The following PHF21A variants were observed in gnomAD, a reference collection of about 807,000 sequenced individuals.
PHF21A encodes BHC80a.
PHF21A carries 11 observed loss-of-function variants against 82.5 expected under a neutral mutation model. That is an observed-to-expected ratio of 0.13 (90% CI 0.08 to 0.22). The LOEUF is 0.22. Ranked by LOEUF, PHF21A falls within the 10% of genes least tolerant of loss-of-function variation. The pLI is 1.00. For missense variants in PHF21A, 579 were observed against 837.8 expected (o/e 0.69, Z 3.81); for synonymous variants, 297 against 302.8 (o/e 0.98, Z 0.20).
At chr11:45,937,810 C>T (rs924388783) in intron 16 of PHF21A, among the ~76,000 whole-genome samples, 20 of 152,148 alleles carry the variant, frequency 1.3e-4, no homozygotes, top group African/African-American at 4.8e-4. Flanking sequence ...ATCAACTGGG[C>T]AATTTCCCTT....
At chr11:45,995,398 G>A (rs991960556) in intron 6 of PHF21A, among the ~76,000 whole-genome samples, 8 of 152,158 alleles carry the variant, frequency 5.3e-5, no homozygotes, top group African/African-American at 1.9e-4. Context: ...CTAACAGGAA[G>A]GAATCATTCT....
chr11:46,029,086 G>C (rs1402732045), intron 6 of PHF21A, among the ~76,000 whole-genome samples: 9 of 152,276 alleles, frequency 5.9e-5, no homozygotes, highest in African/African-American at 2.2e-4. Context: ...GCTTGCAAAA[G>C]AGTGTTATCT....
chr11:46,067,698 G>A (rs942117002), intron 6 of PHF21A, among the ~76,000 whole-genome samples: 6 of 151,976 alleles, frequency 3.9e-5, no homozygotes, highest in African/African-American at 7.3e-5. Flanking sequence ...AGCTTTCTGA[G>A]GGCATAATGA....
At chr11:45,945,151 G>C (rs906743702) in intron 15 of PHF21A, among the ~76,000 whole-genome samples, 6 of 152,218 alleles carry the variant, frequency 3.9e-5, no homozygotes, top group Non-Finnish European at 8.8e-5. Flanking sequence ...CTTGAGGACA[G>C]GGAGTTGGTT....
At chr11:45,976,325 A>G (rs1198616173) in intron 7 of PHF21A, among the ~76,000 whole-genome samples, 1 of 152,150 alleles carries the variant, frequency 6.6e-6, no homozygotes, top group East Asian at 1.9e-4. Context: ...TCTGTCCTCA[A>G]AATTTCTCTA....
At chr11:46,041,968 T>C (rs2096151704) in intron 6 of PHF21A, among the ~76,000 whole-genome samples, 1 of 152,126 alleles carries the variant, frequency 6.6e-6, no homozygotes, top group Admixed American at 6.6e-5. Context: ...ACAGGATTCA[T>C]CTCTTCTATT....
intron 3 of PHF21A, among the ~76,000 whole-genome samples, chr11:46,087,993 G>A (rs2096876632): frequency 6.6e-6 from 1 of 152,132 alleles, no homozygotes; most frequent in Non-Finnish European, 1.5e-5. Flanking sequence ...CTGGGCTAAA[G>A]TGACCCATCC....
intron 9 of PHF21A, among the ~76,000 whole-genome samples, chr11:45,969,038 C>T (rs1476370277): frequency 4.0e-5 from 6 of 151,520 alleles, no homozygotes; most frequent in Non-Finnish European, 1.5e-5. Flanking sequence ...CAAATGATAT[C>T]ATCTTATCTC....
intron 15 of PHF21A, among the ~76,000 whole-genome samples, chr11:45,942,114 AAGG>A (rs1322832302): frequency 6.6e-6 from 1 of 152,232 alleles, no homozygotes; most frequent in Non-Finnish European, 1.5e-5. Flanking sequence ...GATACTGTAA[AAGG>A]AGAAGTCAAT....
chr11:45,990,031 T>TAA (rs1050523096), intron 6 of PHF21A, among the ~76,000 whole-genome samples: 3 of 152,062 alleles, frequency 2.0e-5, no homozygotes, highest in Non-Finnish European at 4.4e-5. Context: ...GAGAATTTTT[T>TAA]AAATCTTAAG....
At chr11:45,953,668 A>T (rs372351634) in intron 10 of PHF21A, 43 bp from the exon 11 acceptor site, 148 of 1,290,740 alleles carry the variant, frequency 1.1e-4, no homozygotes, top group Non-Finnish European at 1.6e-4. Context: ...TTCGTTTTTT[A>T]TTAAAAGGAT....
At chr11:46,011,026 C>T (rs2095403459) in intron 6 of PHF21A, among the ~76,000 whole-genome samples, 1 of 152,110 alleles carries the variant, frequency 6.6e-6, no homozygotes, top group Non-Finnish European at 1.5e-5. Context: ...CAACAGAAAA[C>T]AGGCATCTGC....
intron 6 of PHF21A, among the ~76,000 whole-genome samples, chr11:46,025,834 T>C (rs1418278453): frequency 6.6e-6 from 1 of 152,226 alleles, no homozygotes; most frequent in African/African-American, 2.4e-5. Flanking sequence ...AGATATGTGA[T>C]GGAGCAAGTA....
At chr11:45,964,820 T>G (rs1458925970) in intron 10 of PHF21A, among the ~76,000 whole-genome samples, 1 of 152,238 alleles carries the variant, frequency 6.6e-6, no homozygotes, top group East Asian at 1.9e-4. Flanking sequence ...TCCTCTAAAG[T>G]TAAAGAATGC....
intron 15 of PHF21A, among the ~76,000 whole-genome samples, chr11:45,940,308 G>C (rs2135214417): frequency 6.6e-6 from 1 of 151,890 alleles, no homozygotes. Flanking sequence ...CGATTCTCCT[G>C]CCTCAGACTC....
intron 6 of PHF21A, among the ~76,000 whole-genome samples, chr11:46,023,091 G>A (rs1345560287): frequency 6.6e-6 from 1 of 152,132 alleles, no homozygotes; most frequent in Non-Finnish European, 1.5e-5. Context: ...TAAGGTCTCA[G>A]ACCTTGAGTG....
At chr11:45,985,239 G>A (rs549962490) in intron 6 of PHF21A, among the ~76,000 whole-genome samples, 1 of 152,318 alleles carries the variant, frequency 6.6e-6, no homozygotes, top group Admixed American at 6.5e-5. Flanking sequence ...ATTCATCAAC[G>A]CTGAGGATGC....
chr11:45,979,971 CAAATGAAGACAA>C lies in PHF21A; in HGVS notation c.154-17_154-6del, dbSNP rs780121322. 3.1e-6 allele frequency: 5 copies of C among 1,613,742 alleles called. No individual in the cohort carries two copies. The Admixed American group carries it at 8.3e-5, about 27-fold the overall frequency. ...TAGCTGTTCAACTACTCTTTTCTACCAAATGAAGACAAAAAGAAATAAAAGATATTAGAATAC... is the reference window on the plus strand; with the variant it reads ...TAGCTGTTCAACTACTCTTTTCTACCAAAGAAATAAAAGATATTAGAATAC... On this transcript the variant is annotated splice_region_variant and splice_polypyrimidine_tract_variant and intron_variant, in intron 6 of 18. Coordinates refer to ENST00000676320, the MANE Select transcript of PHF21A (RefSeq NM_001352027.3).
intron 1 of PHF21A, among the ~76,000 whole-genome samples, chr11:46,120,144 CACAA>C (rs1350621036): frequency 1.3e-5 from 2 of 149,966 alleles, no homozygotes; most frequent in Non-Finnish European, 1.5e-5. Flanking sequence ...CTCACACACA[CACAA>C]ACACACACAC....
Sources: gnomAD v4.1 joint callset for allele counts (sites outside exome capture counted in the v4.1 genomes callset) on GRCh38, gnomAD v4.1.1 for gene constraint, MANE v1.5 for transcripts, NCBI Gene and HGNC (gene_info 2026-07-23, HGNC 2026-07-21) for gene names.